Variants in TNRC6C observed in about 807,000 individuals in gnomAD.
TNRC6C encodes trinucleotide repeat containing adaptor 6C, also known as trinucleotide repeat-containing gene 6C protein.
TNRC6C carries 20 observed loss-of-function variants against 153.7 expected under a neutral mutation model. That is an observed-to-expected ratio of 0.13 (90% confidence interval 0.09 to 0.19). TNRC6C has a LOEUF of 0.19. Among genes scored for constraint, TNRC6C ranks in the 10% least tolerant of loss-of-function variants. The pLI is 1.00. For missense variants in TNRC6C, 1,987 were observed against 2,172.0 expected (o/e 0.91, Z 1.69); for synonymous variants, 811 against 841.4 (o/e 0.96, Z 0.63).
exon 12 of TNRC6C, chr17:78,086,580 G>A: frequency 6.2e-7 from 1 of 1,613,888 alleles, no homozygotes; most frequent in Non-Finnish European, 8.5e-7. Context: ...GACAACAGGA[G>A]CAGCAAGTAG....
intron 1 of TNRC6C, among the ~76,000 whole-genome samples, chr17:78,017,386 A>C (rs1385136752): frequency 6.6e-6 from 1 of 152,150 alleles, no homozygotes; most frequent in Non-Finnish European, 1.5e-5. Context: ...TTCTTTTCCC[A>C]TGTTGCATTC....
chr17:78,001,654 C>T (rs912408370), upstream of TNRC6C, among the ~76,000 whole-genome samples: 1 of 152,076 alleles, frequency 6.6e-6, no homozygotes. Flanking sequence ...ATAACATAAT[C>T]CCAGTTATAC....
intron 3 of TNRC6C, among the ~76,000 whole-genome samples, chr17:78,062,597 C>G (rs1274701613): frequency 6.6e-6 from 1 of 152,122 alleles, no homozygotes; most frequent in Non-Finnish European, 1.5e-5. Context: ...TACAAGCTGT[C>G]AACATATCAA....
At chr17:78,034,461 GC>G (rs897791720) in intron 2 of TNRC6C, among the ~76,000 whole-genome samples, 20 of 151,398 alleles carry the variant, frequency 1.3e-4, no homozygotes, top group Non-Finnish European at 2.2e-4. Flanking sequence ...CTTAATTGCT[GC>G]CCCCCCAACC....
chr17:78,009,892 CT>C (rs1407985810), intron 1 of TNRC6C, among the ~76,000 whole-genome samples: 1 of 149,682 alleles, frequency 6.7e-6, no homozygotes, highest in African/African-American at 2.5e-5. Context: ...TGAATTTATA[CT>C]TTTTTTGAGA....
chr17:78,073,901 T>C (rs1338453428), intron 7 of TNRC6C, among the ~76,000 whole-genome samples: 1 of 152,226 alleles, frequency 6.6e-6, no homozygotes, highest in Non-Finnish European at 1.5e-5. Flanking sequence ...CATCATCTCA[T>C]GAATCCACAA....
chr17:77,995,562 G>A (rs186681712), intron 1 of TNRC6C, among the ~76,000 whole-genome samples: 64 of 152,272 alleles, frequency 4.2e-4, no homozygotes, highest in African/African-American at 1.4e-3. Flanking sequence ...CTTATCAGTG[G>A]TTACAGAATA....
At chr17:78,029,755 G>A (rs899225156) in intron 1 of TNRC6C, among the ~76,000 whole-genome samples, 23 of 151,534 alleles carry the variant, frequency 1.5e-4, no homozygotes, top group Non-Finnish European at 1.0e-4. Context: ...TATTCTGTAA[G>A]CTCTTTTCTG....
intron 3 of TNRC6C, among the ~76,000 whole-genome samples, chr17:78,054,292 T>C (rs981261621): frequency 1.4e-4 from 21 of 152,204 alleles, no homozygotes; most frequent in Non-Finnish European, 3.1e-4. Context: ...CTTGGGACAC[T>C]ACTGCACACT....
chr17:77,986,853 A>T (rs555004168), intron 1 of TNRC6C, among the ~76,000 whole-genome samples: 1 of 152,196 alleles, frequency 6.6e-6, no homozygotes, highest in African/African-American at 2.4e-5. Context: ...ACTCCCAGGC[A>T]CTGTTAGTTA....
At position 78,049,055 on chromosome 17, in the gene TNRC6C, A is replaced by G. The variant is rs1366337264; in HGVS notation, c.-8A>G. 2.0e-6 allele frequency: 3 copies of G among 1,516,138 alleles called. No homozygotes were observed. Among genetic ancestry groups the G allele is most frequent in the Admixed American group, 4.4e-5 (2 of 45,438 alleles). The allele number at this position is 1,516,138 out of a possible 1,614,324, so 93.9% of individuals were successfully genotyped here. On this transcript the variant is annotated 5_prime_UTR_variant, in exon 3 of 20. Coordinates refer to ENST00000301624, the Ensembl canonical transcript of TNRC6C. The surrounding 1 kb of genome is among the most constrained non-coding windows in gnomAD (Gnocchi z 4.1). ...TCTGCCTCCAACTGTGGCTCAGAGA[A>G]CAGTAGCATGGCTACAGGGAGTGCC...
In TNRC6C at chr17:78,079,070, G is replaced by A. The variant is rs939715487; in HGVS notation, c.3211-325G>A. ...CGCACTACTGCATTCCAGCCTGGGT[G>A]ACAGAGCAAAACTCCATCTAAAAAA... On this transcript the variant is annotated intron_variant, in intron 9 of 19. Coordinates refer to ENST00000301624, the Ensembl canonical transcript of TNRC6C. This position sits in a 1 kb window ranked among gnomAD's most constrained non-coding sequence, Gnocchi z 4.3. 2.6e-5 allele frequency among the ~76,000 whole-genome samples: 4 copies of A among 151,460 alleles called. No homozygotes were observed. Among genetic ancestry groups the A allele is most frequent in the African/African-American group, 9.7e-5 (4 of 41,184 alleles).
intron 8 of TNRC6C, among the ~76,000 whole-genome samples, chr17:78,076,210 T>A (rs1393893954): frequency 6.8e-6 from 1 of 146,546 alleles, no homozygotes. Flanking sequence ...AGCGATACTC[T>A]GTCTCAAAAA....
At chr17:78,064,785 C>G (rs34293811) in exon 4 of TNRC6C, 176,217 of 1,613,538 alleles carry the variant, frequency 0.11, 10,439 homozygotes, top group East Asian at 0.19. Context: ...TGGGGAGAAC[C>G]ATCCTCCCCT....
chr17:78,100,810 T>A (rs2073579581), intron 17 of TNRC6C, among the ~76,000 whole-genome samples: 1 of 142,850 alleles, frequency 7.0e-6, no homozygotes, highest in South Asian at 2.3e-4. Context: ...AGTTTCACTC[T>A]TGTCACCCAG....
At chr17:78,058,256 A>G (rs1021777679) in intron 3 of TNRC6C, among the ~76,000 whole-genome samples, 1 of 152,224 alleles carries the variant, frequency 6.6e-6, no homozygotes, top group African/African-American at 2.4e-5. Flanking sequence ...GAAAGGGAGA[A>G]AGTGCAAACA....
rs147566485 is a variant in TNRC6C, at chr17:78,009,596, C to T, written c.-546+4517C>T. On this transcript the variant is annotated intron_variant, in intron 1 of 19. Coordinates refer to ENST00000301624, the Ensembl canonical transcript of TNRC6C. Reference sequence around the variant, plus strand: ...TGAGATGGAGTTTTGCTCTTGTTGCCCAGGCTGGAATGCAGTGGTGCAATC... The same window carrying T: ...TGAGATGGAGTTTTGCTCTTGTTGCTCAGGCTGGAATGCAGTGGTGCAATC... Among the ~76,000 whole-genome samples the T allele has an allele frequency of 5.4e-3, 816 of 152,064 alleles. 13 individuals carry two copies. The highest frequency in any genetic ancestry group is 0.018 in the African/African-American group (755 of 41,474).
At chr17:78,097,722 C>T in intron 16 of TNRC6C, 23 bp from the exon 19 acceptor site, 3 of 1,515,662 alleles carry the variant, frequency 2.0e-6, no homozygotes, top group Middle Eastern at 1.7e-4. Context: ...CCACCTTGCT[C>T]AGTGCCGTGT....
At chr17:78,020,026 G>T (rs1402194774) in intron 1 of TNRC6C, among the ~76,000 whole-genome samples, 2 of 152,208 alleles carry the variant, frequency 1.3e-5, no homozygotes, top group South Asian at 2.1e-4. Flanking sequence ...TATCCCTTCA[G>T]ATTATTAAGT....
Sources: allele counts gnomAD v4.1 joint callset (sites outside exome capture counted in the v4.1 genomes callset), GRCh38; gene constraint gnomAD v4.1.1; non-coding constraint Gnocchi (gnomAD v3.1); transcripts MANE v1.5; gene names NCBI Gene and HGNC (gene_info 2026-07-23, HGNC 2026-07-21).